Variants in MALL observed in about 807,000 individuals in gnomAD.
MALL encodes the protein mal, T cell differentiation protein like.
MALL carries 2 observed loss-of-function variants against 10.3 expected under a neutral mutation model. That is an observed-to-expected ratio of 0.19 (90% confidence interval 0.08 to 0.61). MALL has a LOEUF of 0.61. Among genes scored for constraint, MALL ranks in the 20% least tolerant of loss-of-function variants. The probability of loss-of-function intolerance (pLI) is 0.88; values close to 1 mark genes in which losing one functional copy is unlikely to be tolerated. For synonymous variants in MALL, 27 were observed against 51.8 expected, an observed-to-expected ratio of 0.52 and a Z score of 2.05; for missense variants, 39 against 115.2, an observed-to-expected ratio of 0.34 and a Z score of 3.03.
chr2:110,116,787 C>T (rs1217894795), upstream of MALL, among the ~76,000 whole-genome samples: 3 of 152,206 alleles, frequency 2.0e-5, no homozygotes, highest in African/African-American at 7.2e-5. Flanking sequence ...TTTTCCCGAC[C>T]CGCCCTGAAA....
upstream of MALL, among the ~76,000 whole-genome samples, chr2:110,117,373 C>A (rs964014618): frequency 6.6e-6 from 1 of 152,136 alleles, no homozygotes; most frequent in African/African-American, 2.4e-5. Context: ...AAACAACCTT[C>A]TTAGGCTCAT....
chr2:110,105,805 C>T (rs549658862), intron 1 of MALL, among the ~76,000 whole-genome samples: 2 of 152,280 alleles, frequency 1.3e-5, no homozygotes, highest in South Asian at 4.1e-4. Flanking sequence ...CCAGCCCCAC[C>T]CATTCACTTT....
upstream of MALL, chr2:110,115,873 A>G: frequency 1.9e-6 from 1 of 520,308 alleles, no homozygotes; most frequent in Non-Finnish European, 3.0e-6. Flanking sequence ...CGACACACCC[A>G]TCGGACGTCG....
At chr2:110,102,873 G>C (rs572247500) in intron 1 of MALL, among the ~76,000 whole-genome samples, 11 of 152,238 alleles carry the variant, frequency 7.2e-5, no homozygotes, top group Non-Finnish European at 1.5e-4. Context: ...ACATAGGACA[G>C]ACTACTAAAA....
intron 1 of MALL, among the ~76,000 whole-genome samples, chr2:110,096,719 A>G (rs1678448428): frequency 6.6e-6 from 1 of 151,512 alleles, no homozygotes; most frequent in Admixed American, 6.6e-5. Flanking sequence ...CTACACACAC[A>G]CACACACACA....
upstream of MALL, chr2:110,115,894 A>T: frequency 7.8e-6 from 1 of 128,524 alleles, no homozygotes. Context: ...CCTGGGAGGG[A>T]AAAAAAAAAA....
At chr2:110,105,813 T>C (rs1678674755) in intron 1 of MALL, among the ~76,000 whole-genome samples, 1 of 152,154 alleles carries the variant, frequency 6.6e-6, no homozygotes, top group Non-Finnish European at 1.5e-5. Flanking sequence ...ACCCATTCAC[T>C]TTCAGTCCAC....
chr2:110,116,074 C>A (rs898861956), upstream of MALL: 10 of 334,804 alleles, frequency 3.0e-5, no homozygotes, highest in Non-Finnish European at 5.4e-5. Context: ...GAATCTTTGA[C>A]CCCCGGAGCA....
At chr2:110,110,534 CTA>C (rs1678781468) in intron 1 of MALL, among the ~76,000 whole-genome samples, 1 of 152,032 alleles carries the variant, frequency 6.6e-6, no homozygotes, top group African/African-American at 2.4e-5. Flanking sequence ...ATTAGATACA[CTA>C]AACAGATCAA....
At chr2:110,114,170 C>CT (rs1678861711) in intron 1 of MALL, among the ~76,000 whole-genome samples, 1 of 152,048 alleles carries the variant, frequency 6.6e-6, no homozygotes, top group Non-Finnish European at 1.5e-5. Context: ...GCCTCTAGGC[C>CT]TTTCCCTCTC....
At chr2:110,102,611 T>C (rs1678595749) in intron 1 of MALL, among the ~76,000 whole-genome samples, 1 of 152,220 alleles carries the variant, frequency 6.6e-6, no homozygotes. Context: ...TGCCGCCTTC[T>C]GGGCCTTCCA....
At chr2:110,098,240 C>T (rs1466400290) in intron 1 of MALL, among the ~76,000 whole-genome samples, 1 of 151,692 alleles carries the variant, frequency 6.6e-6, no homozygotes, top group Non-Finnish European at 1.5e-5. Context: ...ACAAAATCCA[C>T]CATCTTAACC....
At chr2:110,097,376 C>G in intron 1 of MALL, 1 of 439,774 alleles carries the variant, frequency 2.3e-6, no homozygotes, top group Non-Finnish European at 4.5e-6. Context: ...TTAAACTAAC[C>G]CCAAACAAAT....
At chr2:110,098,733 A>T (rs778851918) in intron 1 of MALL, among the ~76,000 whole-genome samples, 1 of 152,170 alleles carries the variant, frequency 6.6e-6, no homozygotes, top group African/African-American at 2.4e-5. Flanking sequence ...AGCTGGGTGC[A>T]GTGGCTCACA....
chr2:110,114,657 C>T (rs191304525), intron 1 of MALL, among the ~76,000 whole-genome samples: 1 of 151,324 alleles, frequency 6.6e-6, no homozygotes, highest in East Asian at 2.0e-4. Context: ...ATGGCTAACC[C>T]GTTCGCCAGT....
At chr2:110,102,155 AT>A (rs1347767312) in intron 1 of MALL, among the ~76,000 whole-genome samples, 10 of 152,130 alleles carry the variant, frequency 6.6e-5, no homozygotes, top group African/African-American at 9.7e-5. Flanking sequence ...GCCCACAGAC[AT>A]TTTGTGACTA....
chr2:110,097,229 CTGTGTA>C (rs1269002540), intron 1 of MALL, among the ~76,000 whole-genome samples: 1 of 151,856 alleles, frequency 6.6e-6, no homozygotes, highest in Non-Finnish European at 1.5e-5. Flanking sequence ...GTGCGAGTGT[CTGTGTA>C]TATGTGCATT....
intron 1 of MALL, among the ~76,000 whole-genome samples, chr2:110,100,864 G>A (rs1678549713): frequency 1.3e-5 from 2 of 152,194 alleles, no homozygotes; most frequent in South Asian, 2.1e-4. Flanking sequence ...TGAGATGACA[G>A]GCCCGCTGTC....
chr2:110,116,975 G>A (rs1047936173), upstream of MALL, among the ~76,000 whole-genome samples: 1 of 152,200 alleles, frequency 6.6e-6, no homozygotes, highest in Non-Finnish European at 1.5e-5. Flanking sequence ...CACAGGTGGG[G>A]AGACCAGCCA....
Sources: allele counts gnomAD v4.1 joint callset (sites outside exome capture counted in the v4.1 genomes callset), GRCh38; gene constraint gnomAD v4.1.1; transcripts MANE v1.5; gene names NCBI Gene and HGNC (gene_info 2026-07-23, HGNC 2026-07-21).